Variants in GRM8 observed in about 807,000 individuals in gnomAD.
GRM8 encodes the protein metabotropic glutamate receptor 8.
In GRM8, 47 loss-of-function variants were observed where a neutral mutation model predicts 87.2. The observed-to-expected ratio is 0.54, with a 90% CI of 0.43 to 0.69. The LOEUF (loss-of-function observed/expected upper bound fraction) is 0.69. Ranked by LOEUF, GRM8 falls within the 30% of genes least tolerant of loss-of-function variation. The pLI, the probability that GRM8 is intolerant of heterozygous loss-of-function variation, is 0.00. For synonymous variants in GRM8, 396 were observed against 404.5 expected (o/e 0.98, Z 0.25); for missense variants, 1,019 against 1,139.2 (o/e 0.89, Z 1.52).
chr7:127,129,530 T>A (rs1050306704), intron 2 of GRM8, among the ~76,000 whole-genome samples: 1 of 152,188 alleles, frequency 6.6e-6, no homozygotes. Flanking sequence ...GCAAAACTGC[T>A]AAAAATTTCA....
intron 9 of GRM8, among the ~76,000 whole-genome samples, chr7:126,514,638 T>C (rs1241066436): frequency 6.6e-6 from 1 of 152,064 alleles, no homozygotes; most frequent in Non-Finnish European, 1.5e-5. Flanking sequence ...ACTTTGAATA[T>C]GACTTTAAAA....
intron 3 of GRM8, among the ~76,000 whole-genome samples, chr7:126,941,660 G>A (rs1320283136): frequency 6.6e-6 from 1 of 151,272 alleles, no homozygotes; most frequent in Non-Finnish European, 1.5e-5. Context: ...TTAATTAGCA[G>A]ACAAGTTCGT....
At chr7:126,716,367 A>C (rs1165423744) in intron 7 of GRM8, among the ~76,000 whole-genome samples, 1 of 151,916 alleles carries the variant, frequency 6.6e-6, no homozygotes, top group Non-Finnish European at 1.5e-5. Flanking sequence ...AGTATATTTG[A>C]CAGCTAAGTT....
Position 126,533,474 on chromosome 7 carries a change from C to T in GRM8, c.1908G>A (p.Thr636=), listed in dbSNP as rs773884336. 1.5e-4 allele frequency: 239 copies of T among 1,613,914 alleles called. No individual in the cohort carries two copies. The highest frequency in any genetic ancestry group is 3.3e-4 in the Middle Eastern group (2 of 6,084). Residue 636 remains threonine, a synonymous_variant, in exon 9 of 11, where the codon ACG becomes ACA. Transcript: ENST00000339582. ...TATCTGGTGCTGCAATCATTAAAAA[C>T]GTGATTGAATAACAGAGAAAAATCC... The part of the protein sequence containing the change: ...LTGIFLCYSI[T]FLMIAAPDTI...
intron 7 of GRM8, among the ~76,000 whole-genome samples, chr7:126,744,425 A>G (rs1815397636): frequency 6.6e-6 from 1 of 152,064 alleles, no homozygotes; most frequent in Admixed American, 6.6e-5. Flanking sequence ...TACTCCTCAA[A>G]TCAAGTCCAG....
At chr7:127,175,491 G>A (rs1794048459) in intron 2 of GRM8, among the ~76,000 whole-genome samples, 1 of 152,060 alleles carries the variant, frequency 6.6e-6, no homozygotes, top group African/African-American at 2.4e-5. Context: ...AGATCCATGA[G>A]GTTCAGAGAA....
intron 2 of GRM8, among the ~76,000 whole-genome samples, chr7:127,136,211 G>A (rs1265481632): frequency 6.6e-6 from 1 of 152,100 alleles, no homozygotes; most frequent in Non-Finnish European, 1.5e-5. Flanking sequence ...TGCTAGAATT[G>A]GGGTTATCAA....
At chr7:126,952,326 G>A (rs1054635428) in intron 3 of GRM8, among the ~76,000 whole-genome samples, 1 of 151,922 alleles carries the variant, frequency 6.6e-6, no homozygotes, top group African/African-American at 2.4e-5. Flanking sequence ...AGGAGAGAAA[G>A]ACAGCTCTTC....
At chr7:126,865,008 C>T (rs1798469271) in intron 6 of GRM8, among the ~76,000 whole-genome samples, 1 of 152,204 alleles carries the variant, frequency 6.6e-6, no homozygotes, top group South Asian at 2.1e-4. Context: ...GGACAAATAA[C>T]CAGTTTTCTT....
At chr7:126,487,273 C>T (rs1000281897) in intron 9 of GRM8, among the ~76,000 whole-genome samples, 3 of 151,740 alleles carry the variant, frequency 2.0e-5, no homozygotes, top group East Asian at 3.9e-4. Flanking sequence ...GCTTCAGACA[C>T]GCAATATGGT....
chr7:127,082,933 G>A (rs1192149492), intron 3 of GRM8, among the ~76,000 whole-genome samples: 3 of 152,134 alleles, frequency 2.0e-5, no homozygotes, highest in Non-Finnish European at 4.4e-5. Context: ...CAGGCAGCAT[G>A]GCCTCAAAGC....
At chr7:127,185,509 A>G (rs1008967316) in intron 2 of GRM8, among the ~76,000 whole-genome samples, 1 of 152,192 alleles carries the variant, frequency 6.6e-6, no homozygotes, top group African/African-American at 2.4e-5. Context: ...CAAAAGTATA[A>G]AATTTCTAGA....
chr7:126,993,394 C>A (rs764645079), intron 3 of GRM8, among the ~76,000 whole-genome samples: 1 of 152,120 alleles, frequency 6.6e-6, no homozygotes, highest in Non-Finnish European at 1.5e-5. Context: ...ATAGATGAAT[C>A]TTGAAAATAT....
chr7:127,081,160 C>A (rs1392801281), intron 3 of GRM8, among the ~76,000 whole-genome samples: 1 of 152,104 alleles, frequency 6.6e-6, no homozygotes, highest in Non-Finnish European at 1.5e-5. Flanking sequence ...CCTTTCTGGG[C>A]TAGCCTTTGC....
chr7:126,741,602 G>A (rs577651194), intron 7 of GRM8, among the ~76,000 whole-genome samples: 1 of 152,188 alleles, frequency 6.6e-6, no homozygotes, highest in East Asian at 1.9e-4. Context: ...AACACGAGCT[G>A]ACAGCATGAT....
chr7:126,597,720 G>C (rs1351918554), intron 8 of GRM8, among the ~76,000 whole-genome samples: 1 of 151,914 alleles, frequency 6.6e-6, no homozygotes, highest in East Asian at 1.9e-4. Flanking sequence ...TTCACGTTAT[G>C]TCTTTAAGCA....
chr7:126,532,259 T>G (rs921557702), intron 9 of GRM8, among the ~76,000 whole-genome samples: 2 of 152,220 alleles, frequency 1.3e-5, no homozygotes, highest in Non-Finnish European at 2.9e-5. Flanking sequence ...CTTCTAAAAT[T>G]TATAAGCTGC....
At chr7:126,974,226 G>A (rs1338009990) in intron 3 of GRM8, among the ~76,000 whole-genome samples, 1 of 152,062 alleles carries the variant, frequency 6.6e-6, no homozygotes, top group South Asian at 2.1e-4. Flanking sequence ...TACAGAAAAA[G>A]GCCCAAATCT....
chr7:127,124,010 C>G (rs7810466), intron 2 of GRM8, among the ~76,000 whole-genome samples: 1 of 152,144 alleles, frequency 6.6e-6, no homozygotes, highest in Non-Finnish European at 1.5e-5. Flanking sequence ...TATTGCCTCT[C>G]TCTTTCAAGT....
Sources: allele counts gnomAD v4.1 joint callset (sites outside exome capture counted in the v4.1 genomes callset), GRCh38; gene constraint gnomAD v4.1.1; transcripts MANE v1.5; gene names NCBI Gene and HGNC (gene_info 2026-07-23, HGNC 2026-07-21).